ALDH1A2: variants seen among roughly 807,000 people sequenced by gnomAD.
ALDH1A2 encodes the protein retinal dehydrogenase 2.
In ALDH1A2, 27 loss-of-function variants were observed where a neutral mutation model predicts 60.3. The observed-to-expected ratio is 0.45, with a 90% CI of 0.33 to 0.62. ALDH1A2 has a LOEUF of 0.62. Ranked by LOEUF, ALDH1A2 falls within the 20% of genes least tolerant of loss-of-function variation. The probability of loss-of-function intolerance (pLI) is 0.02; values close to 1 mark genes in which losing one functional copy is unlikely to be tolerated. For synonymous variants in ALDH1A2, 289 were observed against 232.4 expected (o/e 1.24, Z -2.21); for missense variants, 581 against 643.8 (o/e 0.90, Z 1.06).
At chr15:58,005,449 C>T (rs1837855) in intron 4 of ALDH1A2, among the ~76,000 whole-genome samples, 133,686 of 151,960 alleles carry the variant, frequency 0.88, 60,304 homozygotes, top group East Asian at 1. Context: ...AAAAAATCTG[C>T]TGAATAAATG....
Position 57,960,293 on chromosome 15 carries a change from A to G in ALDH1A2, c.1484+477T>C, listed in dbSNP as rs183476137. 3.2e-3 allele frequency among the ~76,000 whole-genome samples: 488 copies of G among 152,358 alleles called. 3 individuals carry two copies. The highest frequency in any genetic ancestry group is 0.011 in the African/African-American group (467 of 41,574). On this transcript the variant is annotated intron_variant, in intron 12 of 12. Transcript: ENST00000249750. ...GTGAACTAGGCATTTGCTCAAAAAA[A>G]TAGGCATTCAGTAATGGCTGAGGGA...
chr15:58,035,340 TCTTTTA>T (rs1308317928), intron 1 of ALDH1A2, among the ~76,000 whole-genome samples: 1 of 151,680 alleles, frequency 6.6e-6, no homozygotes, highest in Non-Finnish European at 1.5e-5. Context: ...CTTCTCTTTT[TCTTTTA>T]GTTAGCCAGG....
At chr15:57,962,373 C>T (rs1030514758) in intron 9 of ALDH1A2, among the ~76,000 whole-genome samples, 197 bp from the exon 10 acceptor site, 2 of 152,004 alleles carry the variant, frequency 1.3e-5, no homozygotes, top group Admixed American at 6.6e-5. Flanking sequence ...CCTAATATAT[C>T]GACGATTCCA....
At chr15:58,015,460 G>A (rs1895764825) in intron 1 of ALDH1A2, among the ~76,000 whole-genome samples, 1 of 152,152 alleles carries the variant, frequency 6.6e-6, no homozygotes, top group African/African-American at 2.4e-5. Flanking sequence ...AATTTGTAGA[G>A]CACTTAACAC....
intron 5 of ALDH1A2, among the ~76,000 whole-genome samples, chr15:57,993,683 G>A (rs1302149487): frequency 2.0e-5 from 3 of 152,200 alleles, no homozygotes; most frequent in African/African-American, 4.8e-5. Flanking sequence ...ACATTTACAT[G>A]AGTAGATGAG....
In ALDH1A2 at chr15:57,976,210, A is replaced by G. The variant is rs190774434; in HGVS notation, c.799-10383T>C. On this transcript the variant is annotated intron_variant, in intron 7 of 12. Transcript: ENST00000249750. ...CATTCTGGCAAACTCAGTTTGAAGG[A>G]GTGGCCACCACTCTAGGCCACAGCA... Among the ~76,000 whole-genome samples, 250 of 152,316 alleles carry G rather than the reference A, an allele frequency of 1.6e-3. 1 individual carries two copies. The highest frequency in any genetic ancestry group is 0.011 in the Admixed American group (163 of 15,302).
intron 7 of ALDH1A2, among the ~76,000 whole-genome samples, chr15:57,976,033 A>G (rs145984409): frequency 1.3e-5 from 2 of 152,354 alleles, no homozygotes; most frequent in Non-Finnish European, 2.9e-5. Flanking sequence ...ACATTAAACA[A>G]AAATATTACT....
At chr15:57,987,996 C>T (rs559011513) in intron 7 of ALDH1A2, among the ~76,000 whole-genome samples, 6 of 151,606 alleles carry the variant, frequency 4.0e-5, no homozygotes, top group Non-Finnish European at 7.4e-5. Context: ...AAGATCGTTA[C>T]AGATAAGGAA....
At chr15:58,022,486 T>A (rs943384251) in intron 1 of ALDH1A2, among the ~76,000 whole-genome samples, 3 of 152,104 alleles carry the variant, frequency 2.0e-5, no homozygotes, top group Non-Finnish European at 4.4e-5. Context: ...CCTAGGGACC[T>A]GAGAACACAT....
intron 1 of ALDH1A2, among the ~76,000 whole-genome samples, chr15:58,031,467 T>C (rs1034653558): frequency 1.3e-5 from 2 of 152,278 alleles, no homozygotes; most frequent in East Asian, 1.9e-4. Flanking sequence ...AAAGACTTCA[T>C]GACTAAAACA....
At chr15:57,965,643 G>C in intron 8 of ALDH1A2, 82 bp downstream of exon 8, 6 of 1,006,526 alleles carry the variant, frequency 6.0e-6, no homozygotes, top group Non-Finnish European at 9.6e-6. Context: ...TCTTTTGCTA[G>C]TGTCCCATCA....
intron 1 of ALDH1A2, among the ~76,000 whole-genome samples, chr15:58,028,439 C>T (rs750275800): frequency 3.3e-5 from 5 of 152,066 alleles, no homozygotes; most frequent in Non-Finnish European, 5.9e-5. Flanking sequence ...CCAGCCACTG[C>T]AAAAAACATG....
At chr15:58,025,656 T>C (rs571977358) in intron 1 of ALDH1A2, among the ~76,000 whole-genome samples, 18 of 152,336 alleles carry the variant, frequency 1.2e-4, no homozygotes, top group South Asian at 4.1e-4. Context: ...CTGTTTTGTA[T>C]TGCCGTAAAG....
chr15:58,034,677 G>A (rs1896330742), intron 1 of ALDH1A2, among the ~76,000 whole-genome samples: 1 of 151,642 alleles, frequency 6.6e-6, no homozygotes. Context: ...TTTATATGAT[G>A]AATGGGTGCT....
chr15:58,033,560 T>C (rs188877535), intron 1 of ALDH1A2, among the ~76,000 whole-genome samples: 26 of 152,056 alleles, frequency 1.7e-4, no homozygotes, highest in African/African-American at 6.3e-4. Context: ...ACACTAAATC[T>C]AATCACTCTT....
At chr15:57,961,334 A>T in intron 10 of ALDH1A2, 40 bp from the exon 11 acceptor site, 2 of 1,607,162 alleles carry the variant, frequency 1.2e-6, no homozygotes, top group Non-Finnish European at 1.7e-6. Flanking sequence ...TTGCTCTGTC[A>T]TTCCTTTACC....
At chr15:57,998,367 A>G (rs1895137978) in intron 4 of ALDH1A2, among the ~76,000 whole-genome samples, 1 of 152,164 alleles carries the variant, frequency 6.6e-6, no homozygotes, top group Non-Finnish European at 1.5e-5. Context: ...AGGATACAGA[A>G]TCAATGTGCA....
intron 5 of ALDH1A2, among the ~76,000 whole-genome samples, chr15:57,994,535 C>T (rs1323351745): frequency 2.0e-5 from 3 of 152,110 alleles, no homozygotes; most frequent in African/African-American, 7.2e-5. Flanking sequence ...TTTAATGTTC[C>T]AATCCAAACA....
At chr15:58,025,289 T>C (rs1896048717) in intron 1 of ALDH1A2, among the ~76,000 whole-genome samples, 2 of 152,082 alleles carry the variant, frequency 1.3e-5, no homozygotes, top group South Asian at 4.1e-4. Context: ...AACTGCTACC[T>C]AGACTAACCT....
Sources: allele counts gnomAD v4.1 joint callset (sites outside exome capture counted in the v4.1 genomes callset), GRCh38; gene constraint gnomAD v4.1.1; transcripts MANE v1.5; gene names NCBI Gene and HGNC (gene_info 2026-07-23, HGNC 2026-07-21).